The following RECK variants were observed in gnomAD, a reference collection of about 807,000 sequenced individuals.
RECK encodes the protein reversion-inducing cysteine-rich protein with Kazal motifs.
A neutral mutation model predicts 115.1 loss-of-function variants in RECK; 69 were observed. The observed-to-expected ratio is 0.60, with a 90% confidence interval of 0.49 to 0.73. RECK has a LOEUF of 0.73. RECK is among the 30% of genes least tolerant of loss of function. The pLI is 0.00. For synonymous variants in RECK, 414 were observed against 419.7 expected (o/e 0.99, Z 0.17); for missense variants, 1,047 against 1,203.7 (o/e 0.87, Z 1.93).
At chr9:36,069,744 T>C (rs950025594) in intron 6 of RECK, among the ~76,000 whole-genome samples, 10 of 151,634 alleles carry the variant, frequency 6.6e-5, no homozygotes, top group African/African-American at 2.4e-4. Flanking sequence ...GAAAAATAAA[T>C]AGGATGGGCA....
intron 17 of RECK, among the ~76,000 whole-genome samples, chr9:36,117,778 A>G (rs916150139): frequency 2.0e-5 from 3 of 152,220 alleles, no homozygotes; most frequent in Non-Finnish European, 2.9e-5. Context: ...TCAGGAGTTC[A>G]AGATCAGCTT....
chr9:36,042,287 A>G (rs1564095615), intron 1 of RECK, among the ~76,000 whole-genome samples: 2 of 151,904 alleles, frequency 1.3e-5, no homozygotes, highest in Non-Finnish European at 2.9e-5. Flanking sequence ...CTTAGCTGCC[A>G]CTTGATAAAT....
chr9:36,071,472 T>C (rs1456199529), intron 6 of RECK, among the ~76,000 whole-genome samples: 1 of 152,232 alleles, frequency 6.6e-6, no homozygotes, highest in Non-Finnish European at 1.5e-5. Flanking sequence ...TAAATGCCTT[T>C]ACATTTGCTG....
intron 1 of RECK, among the ~76,000 whole-genome samples, chr9:36,041,500 C>T (rs747052067): frequency 1.3e-5 from 2 of 152,194 alleles, no homozygotes; most frequent in African/African-American, 2.4e-5. Context: ...GTCTAGGTTA[C>T]AGCTCTTTTG....
At chr9:36,084,470 A>C (rs973620772) in intron 8 of RECK, among the ~76,000 whole-genome samples, 1 of 152,092 alleles carries the variant, frequency 6.6e-6, no homozygotes, top group African/African-American at 2.4e-5. Flanking sequence ...TGAGGTGGGC[A>C]GATCACCTGA....
At chr9:36,068,089 A>G (rs749254636) in intron 6 of RECK, among the ~76,000 whole-genome samples, 3 of 152,206 alleles carry the variant, frequency 2.0e-5, no homozygotes, top group Admixed American at 6.5e-5. Flanking sequence ...GAGGGTGATG[A>G]TGAAGATTCT....
rs1182205826 is a variant in RECK at position 36,116,991 on chromosome 9, A to T, written c.2067A>T (p.Ile689=). 1.2e-6 allele frequency: 2 copies of T among 1,609,340 alleles called. No individual in the cohort carries two copies. The highest frequency in any genetic ancestry group is 1.7e-5 in the Admixed American group (1 of 59,678). ...CTGCATTCGTCTTTTTCAGGTGCAT[A>T]CCCAAACCACAGGTCTGCCTGACGA... is the stretch of plus-strand genomic sequence containing the variant. ...PNPCQKNQRC[I]PKPQVCLTTF... Residue 689 remains isoleucine (I), a synonymous_variant, in exon 17 of 21, where the codon ATA becomes ATT. Transcript: ENST00000377966.
At chr9:36,070,186 C>T (rs1822172270) in intron 6 of RECK, among the ~76,000 whole-genome samples, 1 of 151,940 alleles carries the variant, frequency 6.6e-6, no homozygotes, top group Admixed American at 6.6e-5. Context: ...ATTTTTAAAA[C>T]AATAGTAATG....
Position 36,048,126 on chromosome 9 carries a change from AATATATATATAT to A in RECK, c.101-4116_101-4105del, listed in dbSNP as rs56726335. On this transcript the variant is annotated intron_variant, in intron 1 of 20. Transcript: ENST00000377966. ...TACACACGCACAGACACACAGGTTGAATATATATATATATATATATATATATATATATATGTA... is the reference window on the plus strand; with the variant it reads ...TACACACGCACAGACACACAGGTTGAATATATATATATATATATATATGTA... Among the ~76,000 whole-genome samples, 410 of 115,314 alleles carry A rather than the reference AATATATATATAT, an allele frequency of 3.6e-3. 6 individuals carry two copies. The highest frequency in any genetic ancestry group is 0.024 in the Middle Eastern group (6 of 248). The allele number at this position is 115,314 out of a possible 152,430, so 75.7% of individuals were successfully genotyped here.
rs1244002436 is a variant in RECK at position 36,087,690 on chromosome 9, G to A, written c.638-4G>A. 2 of 1,609,420 alleles carry A rather than the reference G, an allele frequency of 1.2e-6. No individual in the cohort carries two copies. The highest frequency in any genetic ancestry group is 1.7e-5 in the Admixed American group (1 of 59,556). On this transcript the variant is annotated splice_region_variant and splice_polypyrimidine_tract_variant and intron_variant, in intron 8 of 20. Coordinates refer to ENST00000377966, the MANE Select transcript of RECK (RefSeq NM_021111.3). ...ATTAAGCCACTTATATTCTGAAAAT[G>A]TAGGTTTATATTGCTGTGACAGAGC... is the stretch of plus-strand genomic sequence containing the variant.
rs148314519 is a variant in RECK at position 36,049,327 on chromosome 9, T to C, written c.101-2938T>C. 1.6e-4 allele frequency among the ~76,000 whole-genome samples: 25 copies of C among 152,236 alleles called. No homozygotes were observed. The East Asian group carries it at 4.6e-3, about 28-fold the overall frequency. On this transcript the variant is annotated intron_variant, in intron 1 of 20. Transcript: ENST00000377966. Reference sequence around the variant, plus strand: ...AATCCCTGGAAGTTGGGAGATCAGGTTGATACCATGTGGCTAAAAGCCCCA... The same window carrying C: ...AATCCCTGGAAGTTGGGAGATCAGGCTGATACCATGTGGCTAAAAGCCCCA...
In RECK at chr9:36,036,947, C is replaced by T; in HGVS notation, c.-52C>T. The stretch of plus-strand genomic sequence containing the variant: ...GCGGCGGTAGCGGCGGCAGCGGCTG[C>T]GGCCAAGCTGGGTCCGAGCATCCCG... On this transcript the variant is annotated 5_prime_UTR_variant, in exon 1 of 21. Coordinates refer to ENST00000377966, the MANE Select transcript of RECK (RefSeq NM_021111.3). The T allele has an allele frequency of 2.5e-6, 3 of 1,214,630 alleles. No homozygotes were observed. Among genetic ancestry groups the T allele is most frequent in the Non-Finnish European group, 3.2e-6 (3 of 951,664 alleles). 75.2% of individuals were successfully genotyped at this position (1,214,630 alleles called of 1,614,324 possible).
At chr9:36,096,484 C>G (rs981051662) in intron 10 of RECK, among the ~76,000 whole-genome samples, 2 of 152,088 alleles carry the variant, frequency 1.3e-5, no homozygotes, top group South Asian at 4.1e-4. Context: ...TTGCAGTGAG[C>G]TGAGATTGTG....
Position 36,108,008 on chromosome 9 carries a change from G to A in RECK, c.1609G>A (p.Val537Ile). 1 of 1,611,378 alleles carries A rather than the reference G, an allele frequency of 6.2e-7. No individual in the cohort carries two copies. Among genetic ancestry groups the A allele is most frequent in the Non-Finnish European group, 8.5e-7 (1 of 1,179,318 alleles). ...CKLGEASDFI[V>I]RQGTLIQVPS... is the part of the protein sequence containing the mutation. ...ACTGGGAGAAGCTTCTGATTTCATT[G>A]TCCGTCAAGGGACACTAATCCAGGT... The change falls in exon 14 of 21, where the codon GTC (valine) becomes ATC (isoleucine). Residue 537 changes from valine to isoleucine, a missense_variant. Val to Ile is a conservative substitution (Grantham distance 29). Coordinates refer to ENST00000377966, the MANE Select transcript of RECK (RefSeq NM_021111.3).
intron 1 of RECK, among the ~76,000 whole-genome samples, chr9:36,042,465 TAC>T (rs1820905732): frequency 6.8e-6 from 1 of 146,276 alleles, no homozygotes; most frequent in Non-Finnish European, 1.5e-5. Flanking sequence ...TGTGTGTGTG[TAC>T]ACATATACCA....
chr9:36,086,696 C>A (rs1488594390), intron 8 of RECK, among the ~76,000 whole-genome samples: 1 of 152,154 alleles, frequency 6.6e-6, no homozygotes, highest in Non-Finnish European at 1.5e-5. Context: ...TGATTGCTAC[C>A]TTTACAAACC....
Position 36,037,043 on chromosome 9 carries a change from G to A in RECK, c.45G>A (p.Leu15=), listed in dbSNP as rs914811911. The change falls in exon 1 of 21, where the codon CTG becomes CTA. Residue 15 remains leucine, a synonymous_variant. Transcript: ENST00000377966. ...RASLRGALLL[L]LAVAGVAEVA... ...CTCTGCGAGGTGCGCTGCTCCTTCT[G>A]CTGGCCGTGGCGGGGGTCGCGGAGG... is the stretch of plus-strand genomic sequence containing the variant. 3.6e-6 allele frequency: 5 copies of A among 1,407,644 alleles called. No homozygotes were observed. The highest frequency in any genetic ancestry group is 3.7e-6 in the Non-Finnish European group (4 of 1,075,618). 87.2% of individuals were successfully genotyped at this position (1,407,644 alleles called of 1,614,324 possible).
intron 6 of RECK, among the ~76,000 whole-genome samples, chr9:36,077,202 AG>A (rs1822485159): frequency 6.6e-6 from 1 of 152,316 alleles, no homozygotes; most frequent in Admixed American, 6.5e-5. Flanking sequence ...GCAGGTCAAA[AG>A]AGGCTCCATA....
chr9:36,069,853 T>C (rs752778224), intron 6 of RECK, among the ~76,000 whole-genome samples: 18 of 152,114 alleles, frequency 1.2e-4, no homozygotes, highest in Non-Finnish European at 2.1e-4. Flanking sequence ...ATCTTAAAAG[T>C]AGTCAGAAAA....
Sources: allele counts gnomAD v4.1 joint callset (sites outside exome capture counted in the v4.1 genomes callset), GRCh38; gene constraint gnomAD v4.1.1; transcripts MANE v1.5; gene names NCBI Gene and HGNC (gene_info 2026-07-23, HGNC 2026-07-21).